DENND1A: variants seen among roughly 807,000 people sequenced by gnomAD.
DENND1A encodes DENN domain containing 1A, also known as DENN domain-containing protein 1A.
In DENND1A, 51 loss-of-function variants were observed where a neutral mutation model predicts 113.7. The ratio of observed to expected loss-of-function variants is 0.45; its 90% CI spans 0.36 to 0.57. The LOEUF (loss-of-function observed/expected upper bound fraction) is 0.57. Ranked by LOEUF, DENND1A falls within the 20% of genes least tolerant of loss-of-function variation. DENND1A has a pLI of 0.00. For synonymous variants in DENND1A, 565 were observed against 570.8 expected (o/e 0.99, Z 0.14); for missense variants, 1,258 against 1,395.9 (o/e 0.90, Z 1.57).
intron 3 of DENND1A, among the ~76,000 whole-genome samples, chr9:123,783,489 G>T (rs1037191693): frequency 2.0e-5 from 3 of 152,138 alleles, no homozygotes; most frequent in Non-Finnish European, 4.4e-5. Flanking sequence ...CCAGTAATAG[G>T]AGACACGACA....
intron 5 of DENND1A, among the ~76,000 whole-genome samples, chr9:123,690,106 G>C (rs1434613557): frequency 1.3e-5 from 1 of 75,834 alleles, no homozygotes; most frequent in African/African-American, 5.2e-5. Context: ...GGGAGGGAGG[G>C]AGGAAGAAAA....
rs765585771 is a variant in DENND1A, at chr9:123,381,619, G to C, written c.3026C>G (p.Pro1009Arg). The part of the protein sequence containing the change: ...QGLALRPGDP[P>R]LLPPRPPQGL... ...TTGAGGGGGCCTGGGAGGCAGAAGC[G>C]GGGGGTCTCCAGGCCTCAGGGCCAG... Residue 1009 changes from proline to arginine, a missense_variant, in exon 24 of 24, where the codon CCG becomes CGG. Pro to Arg is a moderately radical substitution (Grantham distance 103, BLOSUM62 -2). Around this residue, in one of 2 missense-constraint regions of DENND1A, gnomAD observed 1,159 missense variants for 1,231.7 expected, o/e 0.94. Coordinates refer to ENST00000394215, the MANE Select transcript of DENND1A (RefSeq NM_001352964.2). This position sits in a 1 kb window ranked among gnomAD's most constrained non-coding sequence, Gnocchi z 4.7. 47 of 1,612,472 alleles carry C rather than the reference G, an allele frequency of 2.9e-5. No homozygotes were observed. Among genetic ancestry groups the C allele is most frequent in the African/African-American group, 5.3e-5 (4 of 74,892 alleles).
At chr9:123,587,287 T>C (rs919477103) in intron 11 of DENND1A, among the ~76,000 whole-genome samples, 1 of 152,156 alleles carries the variant, frequency 6.6e-6, no homozygotes, top group African/African-American at 2.4e-5. Context: ...TACACAGAGA[T>C]AAGAATTTAC....
At chr9:123,674,483 T>C (rs1304755169) in intron 6 of DENND1A, among the ~76,000 whole-genome samples, 2 of 152,196 alleles carry the variant, frequency 1.3e-5, no homozygotes, top group African/African-American at 2.4e-5. Context: ...ATTCTATTTC[T>C]TTAAATAAAA....
chr9:123,850,329 C>T (rs1048727182), intron 2 of DENND1A, among the ~76,000 whole-genome samples: 2 of 152,132 alleles, frequency 1.3e-5, no homozygotes, highest in African/African-American at 2.4e-5. Flanking sequence ...TAGACAAGAT[C>T]GTTTGCGATC....
intron 5 of DENND1A, among the ~76,000 whole-genome samples, chr9:123,681,001 A>G (rs2064412439): frequency 6.6e-6 from 1 of 152,022 alleles, no homozygotes; most frequent in African/African-American, 2.4e-5. Flanking sequence ...TTAGAGTCCA[A>G]GTGGGAGGAG....
At chr9:123,457,472 C>T (rs765207815) in intron 14 of DENND1A, 37 bp from the exon 15 acceptor site, 2 of 1,537,720 alleles carry the variant, frequency 1.3e-6, no homozygotes, top group South Asian at 2.2e-5. Context: ...ACAGCTCGTA[C>T]AAAGAAAAGG....
intron 7 of DENND1A, among the ~76,000 whole-genome samples, chr9:123,671,015 T>A (rs985565412): frequency 2.6e-5 from 4 of 152,102 alleles, no homozygotes; most frequent in African/African-American, 9.7e-5. Flanking sequence ...GCTGTCCTAT[T>A]TCAGCCCAGC....
At chr9:123,714,140 A>C (rs547518924) in intron 5 of DENND1A, among the ~76,000 whole-genome samples, 1 of 152,352 alleles carries the variant, frequency 6.6e-6, no homozygotes, top group South Asian at 2.1e-4. Flanking sequence ...CGGCAGTTTT[A>C]TCAGAACACT....
At position 123,380,447 on chromosome 9, in the gene DENND1A, A is replaced by C. The variant is rs563699377; in HGVS notation, c.*985T>G. 1 of 152,552 alleles carries C rather than the reference A, an allele frequency of 6.6e-6. No homozygotes were observed. The highest frequency in any genetic ancestry group is 1.9e-4 in the East Asian group (1 of 5,172). The allele number at this position is 152,552 out of a possible 1,614,324, so 9.4% of individuals were successfully genotyped here. On this transcript the variant is annotated 3_prime_UTR_variant, in exon 24 of 24. Coordinates refer to ENST00000394215, the MANE Select transcript of DENND1A (RefSeq NM_001352964.2). The stretch of plus-strand genomic sequence containing the variant: ...GGCAGAGACCAAGTTTGTCCTTTCT[A>C]CCTGGCCCTGGAGAAGGGGCTCAGG...
At chr9:123,808,481 A>G (rs1302050824) in intron 2 of DENND1A, among the ~76,000 whole-genome samples, 2 of 151,790 alleles carry the variant, frequency 1.3e-5, no homozygotes, top group Non-Finnish European at 2.9e-5. Context: ...CCTGGGCTCA[A>G]ATGATCCTCC....
chr9:123,928,853 T>C (rs1857535980), intron 1 of DENND1A: 1 of 985,338 alleles, frequency 1.0e-6, no homozygotes. Flanking sequence ...CAAACTTTCT[T>C]GTAAGAGGGT....
chr9:123,616,797 TA>T (rs1422507911), intron 10 of DENND1A, among the ~76,000 whole-genome samples: 1 of 152,226 alleles, frequency 6.6e-6, no homozygotes, highest in Non-Finnish European at 1.5e-5. Flanking sequence ...ACAGGCCGGT[TA>T]GTCAGTCAGT....
intron 10 of DENND1A, among the ~76,000 whole-genome samples, chr9:123,623,875 T>C (rs557066555): frequency 6.6e-6 from 1 of 152,200 alleles, no homozygotes; most frequent in African/African-American, 2.4e-5. Context: ...CTCAGCTCCA[T>C]TTAACATGTC....
intron 2 of DENND1A, among the ~76,000 whole-genome samples, chr9:123,863,218 A>C (rs1318598974): frequency 1.3e-5 from 2 of 152,206 alleles, no homozygotes; most frequent in Non-Finnish European, 2.9e-5. Flanking sequence ...CAGGAAAATT[A>C]GGATGGCACT....
chr9:123,589,517 C>A (rs2059352964), intron 11 of DENND1A, among the ~76,000 whole-genome samples: 1 of 151,474 alleles, frequency 6.6e-6, no homozygotes, highest in Admixed American at 6.6e-5. Context: ...TACTGCGGCA[C>A]ACCGAGACAG....
intron 13 of DENND1A, among the ~76,000 whole-genome samples, chr9:123,491,121 G>A (rs1461676989): frequency 7.9e-5 from 12 of 152,342 alleles, no homozygotes; most frequent in South Asian, 2.1e-4. Context: ...GCAATGATCC[G>A]GTGTTATGTG....
At chr9:123,442,790 C>T (rs759140630) in intron 18 of DENND1A, among the ~76,000 whole-genome samples, 8 of 152,164 alleles carry the variant, frequency 5.3e-5, no homozygotes, top group Non-Finnish European at 1.0e-4. Context: ...GTTGTCTAAT[C>T]TTTCCAAATC....
At chr9:123,508,392 A>T (rs577254325) in intron 13 of DENND1A, among the ~76,000 whole-genome samples, 4 of 152,372 alleles carry the variant, frequency 2.6e-5, no homozygotes, top group African/African-American at 9.6e-5. Flanking sequence ...GACGACACCC[A>T]TGAAGATATC....
Sources: gnomAD v4.1 joint callset for allele counts (sites outside exome capture counted in the v4.1 genomes callset) on GRCh38, gnomAD v4.1.1 for gene constraint, gnomAD v4.1.1 regional missense constraint, Gnocchi (gnomAD v3.1) non-coding constraint, MANE v1.5 for transcripts, NCBI Gene and HGNC (gene_info 2026-07-23, HGNC 2026-07-21) for gene names.